Variants in RGCC observed in about 807,000 individuals in gnomAD.
RGCC encodes regulator of cell cycle RGCC.
In RGCC, 15 loss-of-function variants were observed where a neutral mutation model predicts 15.4. The ratio of observed to expected loss-of-function variants is 0.97; its 90% CI spans 0.65 to 1.50. The LOEUF (loss-of-function observed/expected upper bound fraction) is 1.50. Among genes scored for constraint, RGCC ranks in the 40% most tolerant of loss-of-function variants. The probability of loss-of-function intolerance (pLI) is 0.00; values close to 1 mark genes in which losing one functional copy is unlikely to be tolerated. For missense variants in RGCC, 176 were observed against 189.7 expected (o/e 0.93, Z 0.42); for synonymous variants, 81 against 78.0 (o/e 1.04, Z -0.20).
Position 41,458,805 on chromosome 13 carries a change from G to C in RGCC, c.235+335G>C, listed in dbSNP as rs1287337168. Among the ~76,000 whole-genome samples, 1 of 152,160 alleles carries C rather than the reference G, an allele frequency of 6.6e-6. No homozygotes were observed. The highest frequency in any genetic ancestry group is 1.5e-5 in the Non-Finnish European group (1 of 68,040). On this transcript the variant is annotated intron_variant, in intron 2 of 4. Coordinates refer to ENST00000379359, the MANE Select transcript of RGCC (RefSeq NM_014059.3). This position sits in a 1 kb window ranked among gnomAD's most constrained non-coding sequence, Gnocchi z 4.4. ...TTTCCGTGCCTCTCCCCTCTCAGCT[G>C]TAACTTTGCAGATGTGGAACAAGTG...
chr13:41,461,447 G>T (rs1409361634), intron 2 of RGCC, among the ~76,000 whole-genome samples: 1 of 152,146 alleles, frequency 6.6e-6, no homozygotes, highest in African/African-American at 2.4e-5. Flanking sequence ...TTTCTCAAAT[G>T]TGTTAAATGG....
intron 2 of RGCC, among the ~76,000 whole-genome samples, chr13:41,462,126 C>G (rs1207909975): frequency 6.6e-6 from 1 of 152,178 alleles, no homozygotes; most frequent in Non-Finnish European, 1.5e-5. Context: ...GGAGGTAGGT[C>G]CAAAGCTTTC....
chr13:41,466,110 TCA>T (rs891488953), intron 2 of RGCC, among the ~76,000 whole-genome samples: 1 of 150,574 alleles, frequency 6.6e-6, no homozygotes, highest in Non-Finnish European at 1.5e-5. Flanking sequence ...TCACATGCTC[TCA>T]CACACACACT....
chr13:41,463,148 G>A (rs891956135), intron 2 of RGCC, among the ~76,000 whole-genome samples: 7 of 152,272 alleles, frequency 4.6e-5, no homozygotes, highest in African/African-American at 1.7e-4. Context: ...TGACTCTACA[G>A]GGTCATGCAG....
At chr13:41,469,295 T>TAATAAGAAG (rs869157194) in intron 4 of RGCC, among the ~76,000 whole-genome samples, 110 of 86,734 alleles carry the variant, frequency 1.3e-3, no homozygotes, top group African/African-American at 3.9e-3. Flanking sequence ...ATAATAATAA[T>TAATAAGAAG]AAGAAGAAGA....
intron 2 of RGCC, among the ~76,000 whole-genome samples, chr13:41,466,149 TCACA>T (rs778172648): frequency 4.4e-4 from 63 of 142,190 alleles, no homozygotes; most frequent in South Asian, 1.8e-3. Flanking sequence ...CACTCCACAC[TCACA>T]CACGCACACA....
rs572434562 is a variant in RGCC, at chr13:41,457,668, G to A, written c.-40G>A. 26 of 1,499,688 alleles carry A rather than the reference G, an allele frequency of 1.7e-5. No homozygotes were observed. Among genetic ancestry groups the A allele is most frequent in the South Asian group, 1.1e-4 (9 of 79,554 alleles). 92.9% of individuals were successfully genotyped at this position (1,499,688 alleles called of 1,614,324 possible). A position where few individuals can be genotyped will look rare whatever the true frequency, so the allele number is the denominator to read the frequency against. On this transcript the variant is annotated 5_prime_UTR_variant, in exon 1 of 5. Transcript: ENST00000379359. This position sits in a 1 kb window ranked among gnomAD's most constrained non-coding sequence, Gnocchi z 4.9. Reference sequence around the variant, plus strand: ...AATAGCCCCGGCTGCCACCTCGCAGGACCCAAGGCCACGCGCGCCGGGCCC... The same window carrying A: ...AATAGCCCCGGCTGCCACCTCGCAGAACCCAAGGCCACGCGCGCCGGGCCC...
chr13:41,463,950 C>A (rs993695), intron 2 of RGCC, among the ~76,000 whole-genome samples: 36,728 of 152,082 alleles, frequency 0.24, 4,867 homozygotes, highest in East Asian at 0.45. Flanking sequence ...TCTTTCTCCC[C>A]TGCAGAGGAG....
At chr13:41,466,599 G>A (rs1323724019) in intron 2 of RGCC, among the ~76,000 whole-genome samples, 1 of 152,104 alleles carries the variant, frequency 6.6e-6, no homozygotes, top group Non-Finnish European at 1.5e-5. Context: ...ATGTTGGCCA[G>A]GCTGGTCTTG....
At chr13:41,462,790 G>A (rs532858247) in intron 2 of RGCC, among the ~76,000 whole-genome samples, 3 of 152,324 alleles carry the variant, frequency 2.0e-5, no homozygotes, top group Admixed American at 6.5e-5. Context: ...TCTGTCTTGC[G>A]TGAGATTTTG....
chr13:41,466,227 A>G (rs2043848432), intron 2 of RGCC, among the ~76,000 whole-genome samples: 1 of 149,024 alleles, frequency 6.7e-6, no homozygotes, highest in African/African-American at 2.5e-5. Context: ...TTTCTCACAC[A>G]CACATATTCT....
In RGCC at chr13:41,457,843, C is replaced by A; in HGVS notation, c.49+87C>A. The A allele has an allele frequency of 7.5e-7, 1 of 1,338,464 alleles. No individual in the cohort carries two copies. The highest frequency in any genetic ancestry group is 9.6e-7 in the Non-Finnish European group (1 of 1,041,536). 82.9% of individuals were successfully genotyped at this position (1,338,464 alleles called of 1,614,324 possible). A position where few individuals can be genotyped will look rare whatever the true frequency, so the allele number is the denominator to read the frequency against. ...AGGGGCCCCGTGTCGTCCCTTCACA[C>A]CCCCCACCCTTCCATCCTCCCCGGC... is the stretch of plus-strand genomic sequence containing the variant. On this transcript the variant is annotated intron_variant, in intron 1 of 4. Coordinates refer to ENST00000379359, the MANE Select transcript of RGCC (RefSeq NM_014059.3). This position sits in a 1 kb window ranked among gnomAD's most constrained non-coding sequence, Gnocchi z 4.9.
chr13:41,467,660 T>G (rs1165266755), intron 3 of RGCC, among the ~76,000 whole-genome samples: 2 of 152,238 alleles, frequency 1.3e-5, no homozygotes, highest in African/African-American at 4.8e-5. Context: ...AAATGACAAT[T>G]CCATCACTCT....
In RGCC at chr13:41,470,569, G is replaced by A. The variant is rs2043871096; in HGVS notation, c.*84G>A. 2 of 1,366,024 alleles carry A rather than the reference G, an allele frequency of 1.5e-6. No homozygotes were observed. Among genetic ancestry groups the A allele is most frequent in the Admixed American group, 3.4e-5 (2 of 59,610 alleles). The allele number at this position is 1,366,024 out of a possible 1,614,324, so 84.6% of individuals were successfully genotyped here. A position where few individuals can be genotyped will look rare whatever the true frequency, so the allele number is the denominator to read the frequency against. The stretch of plus-strand genomic sequence containing the variant: ...CTGCTAAAATCAGCTACTAGAATCT[G>A]CTGCCAGAGGGGACAAAGACGTGCA... On this transcript the variant is annotated 3_prime_UTR_variant, in exon 5 of 5. Coordinates refer to ENST00000379359, the MANE Select transcript of RGCC (RefSeq NM_014059.3).
chr13:41,461,963 C>T (rs1359008984), intron 2 of RGCC, among the ~76,000 whole-genome samples: 4 of 152,206 alleles, frequency 2.6e-5, no homozygotes, highest in Non-Finnish European at 5.9e-5. Context: ...TATAGAGGGA[C>T]AGTGCGATCC....
intron 2 of RGCC, among the ~76,000 whole-genome samples, chr13:41,463,963 T>G (rs2139575624): frequency 6.6e-6 from 1 of 152,250 alleles, no homozygotes; most frequent in South Asian, 2.1e-4. Flanking sequence ...CAGAGGAGTG[T>G]ACGTGGATGG....
chr13:41,458,283 A>T lies in RGCC; in HGVS notation c.50-2A>T. ...GCACTGAGCCCCTGGCCCTGCCCGC[A>T]GCCCCGGCCCTGGACTCGGCGGCCG... On this transcript the variant is annotated splice_acceptor_variant, in intron 1 of 4. Transcript: ENST00000379359. LOFTEE classifies it high-confidence loss of function. The surrounding 1 kb of genome is among the most constrained non-coding windows in gnomAD (Gnocchi z 4.4). The T allele has an allele frequency of 6.4e-7, 1 of 1,566,806 alleles. No individual in the cohort carries two copies. Among genetic ancestry groups the T allele is most frequent in the Non-Finnish European group, 8.6e-7 (1 of 1,163,476 alleles).
chr13:41,468,708 T>G, intron 3 of RGCC, 68 bp from the exon 4 acceptor site: 1 of 1,198,884 alleles, frequency 8.3e-7, no homozygotes, highest in Non-Finnish European at 1.2e-6. Context: ...CAATATGGAG[T>G]CATCAGCTGT....
At position 41,458,568 on chromosome 13, in the gene RGCC, G is replaced by C. The variant is rs2043805954; in HGVS notation, c.235+98G>C. ...CTCAGTTTTCTTATCAGTAAACTGA[G>C]GAATGGTTTCCTGAAGCTCAACGCA... On this transcript the variant is annotated intron_variant, in intron 2 of 4. Coordinates refer to ENST00000379359, the MANE Select transcript of RGCC (RefSeq NM_014059.3). This position sits in a 1 kb window ranked among gnomAD's most constrained non-coding sequence, Gnocchi z 4.4. The C allele has an allele frequency of 7.8e-7, 1 of 1,278,778 alleles. No homozygotes were observed. Among genetic ancestry groups the C allele is most frequent in the Non-Finnish European group, 1.1e-6 (1 of 946,618 alleles). 79.2% of individuals were successfully genotyped at this position (1,278,778 alleles called of 1,614,324 possible).
Sources: gnomAD v4.1 joint callset for allele counts (sites outside exome capture counted in the v4.1 genomes callset) on GRCh38, gnomAD v4.1.1 for gene constraint, Gnocchi (gnomAD v3.1) non-coding constraint, MANE v1.5 for transcripts, NCBI Gene and HGNC (gene_info 2026-07-23, HGNC 2026-07-21) for gene names.